The following FTO variants were observed in gnomAD, a reference collection of about 807,000 sequenced individuals.
The protein encoded by FTO is alpha-ketoglutarate-dependent dioxygenase FTO.
Under a neutral mutation model 63.9 loss-of-function variants are expected in FTO, and 47 were observed. The ratio of observed to expected loss-of-function variants is 0.74; its 90% CI spans 0.58 to 0.94. The LOEUF is 0.94. Among genes scored for constraint, FTO ranks in the 40% least tolerant of loss-of-function variants. FTO has a pLI of 0.00. For synonymous variants in FTO, 207 were observed against 224.4 expected, an observed-to-expected ratio of 0.92 and a Z score of 0.69; for missense variants, 562 against 618.1, an observed-to-expected ratio of 0.91 and a Z score of 0.96.
intron 2 of FTO, among the ~76,000 whole-genome samples, chr16:53,824,107 A>G (rs2078941274): frequency 6.6e-6 from 1 of 152,176 alleles, no homozygotes; most frequent in South Asian, 2.1e-4. Flanking sequence ...TATTATAACT[A>G]AGAGCGATTG....
intron 4 of FTO, among the ~76,000 whole-genome samples, chr16:53,846,628 C>T (rs1354331829): frequency 2.0e-5 from 3 of 151,794 alleles, no homozygotes; most frequent in Non-Finnish European, 1.5e-5. Flanking sequence ...TGATGAAACC[C>T]CCCGTCTCCA....
intron 4 of FTO, among the ~76,000 whole-genome samples, chr16:53,867,431 T>C (rs958963502): frequency 1.3e-5 from 2 of 151,922 alleles, no homozygotes; most frequent in African/African-American, 4.8e-5. Context: ...CCTTAATTGA[T>C]AGAAGAGATA....
intron 8 of FTO, among the ~76,000 whole-genome samples, chr16:54,035,497 G>A (rs567458624): frequency 6.6e-6 from 1 of 152,294 alleles, no homozygotes; most frequent in African/African-American, 2.4e-5. Context: ...TATTTTGAGG[G>A]GAGGAGAAGG....
intron 7 of FTO, among the ~76,000 whole-genome samples, chr16:53,892,199 G>A (rs1466406132): frequency 6.6e-6 from 1 of 152,028 alleles, no homozygotes; most frequent in East Asian, 1.9e-4. Flanking sequence ...GGAATTGGCA[G>A]TGGCTGGTTA....
At chr16:53,904,073 T>G (rs1384914160) in intron 7 of FTO, among the ~76,000 whole-genome samples, 1 of 151,948 alleles carries the variant, frequency 6.6e-6, no homozygotes, top group Non-Finnish European at 1.5e-5. Flanking sequence ...TGTATCTATA[T>G]TTACATATAG....
intron 8 of FTO, among the ~76,000 whole-genome samples, chr16:54,089,048 G>A (rs1423864121): frequency 4.6e-5 from 7 of 152,240 alleles, no homozygotes; most frequent in Admixed American, 2.6e-4. Context: ...GTTTGAGGGC[G>A]AATTCCGTGA....
At chr16:54,103,917 T>C (rs1243710731) in intron 8 of FTO, among the ~76,000 whole-genome samples, 2 of 152,174 alleles carry the variant, frequency 1.3e-5, no homozygotes, top group African/African-American at 4.8e-5. Context: ...CAATGGAGTG[T>C]CCTCTTCCAT....
chr16:54,018,563 A>G (rs1375018311), intron 8 of FTO, among the ~76,000 whole-genome samples: 2 of 152,166 alleles, frequency 1.3e-5, no homozygotes, highest in Non-Finnish European at 2.9e-5. Flanking sequence ...TATAGTTCCC[A>G]TAATCCCCAC....
Position 53,860,590 on chromosome 16 carries a change from C to T in FTO, c.896-13196C>T, listed in dbSNP as rs1337052670. On this transcript the variant is annotated intron_variant, in intron 4 of 8. Transcript: ENST00000471389. ...AGGGGGAGCCAGCCCTTCACATGCC[C>T]GGAGCAGGAGGAAGAGAGAGTGAGG... Among the ~76,000 whole-genome samples, 5 of 152,076 alleles carry T rather than the reference C, an allele frequency of 3.3e-5. No individual in the cohort carries two copies. The East Asian group carries it at 7.7e-4, about 23-fold the overall frequency.
intron 8 of FTO, among the ~76,000 whole-genome samples, chr16:53,970,723 A>T (rs1027328681): frequency 7.2e-5 from 11 of 152,058 alleles, no homozygotes; most frequent in African/African-American, 2.4e-4. Context: ...TACCTTACAG[A>T]GGTGTGGGCC....
intron 8 of FTO, among the ~76,000 whole-genome samples, chr16:54,032,793 T>G (rs1599242449): frequency 3.3e-5 from 5 of 151,674 alleles, no homozygotes. Flanking sequence ...TGGTGGGAGG[T>G]GTTTGGGTCC....
intron 8 of FTO, among the ~76,000 whole-genome samples, chr16:54,032,234 A>G (rs1369693587): frequency 6.6e-5 from 10 of 152,216 alleles, no homozygotes; most frequent in African/African-American, 2.2e-4. Context: ...AGCAGTTATA[A>G]TAGAAAAGAC....
At chr16:54,036,014 C>T (rs1440285432) in intron 8 of FTO, among the ~76,000 whole-genome samples, 2 of 152,086 alleles carry the variant, frequency 1.3e-5, no homozygotes, top group Non-Finnish European at 2.9e-5. Context: ...AAAATGTAAT[C>T]GAAATCACAT....
intron 1 of FTO, among the ~76,000 whole-genome samples, chr16:53,766,932 G>A (rs976978486): frequency 7.2e-5 from 11 of 152,134 alleles, no homozygotes; most frequent in Non-Finnish European, 1.6e-4. Context: ...CCATGAGCCA[G>A]ATTTTCCATG....
At chr16:54,046,197 T>G (rs1469350182) in intron 8 of FTO, among the ~76,000 whole-genome samples, 1 of 93,726 alleles carries the variant, frequency 1.1e-5, no homozygotes, top group Non-Finnish European at 1.8e-5. Context: ...ACATGATTGT[T>G]TATCTAGAAA....
intron 8 of FTO, among the ~76,000 whole-genome samples, chr16:54,027,947 A>G (rs1300347955): frequency 1.3e-5 from 2 of 152,038 alleles, no homozygotes; most frequent in Non-Finnish European, 2.9e-5. Context: ...ATCCTTCTCA[A>G]TGTGCAATAC....
At chr16:53,832,629 C>T (rs536670175) in intron 3 of FTO, among the ~76,000 whole-genome samples, 20 of 152,200 alleles carry the variant, frequency 1.3e-4, no homozygotes, top group South Asian at 6.2e-4. Flanking sequence ...TATATGTGCA[C>T]GGTTTTTTTG....
chr16:53,987,891 T>C (rs17823912), intron 8 of FTO, among the ~76,000 whole-genome samples: 59,955 of 152,090 alleles, frequency 0.39, 12,502 homozygotes, highest in South Asian at 0.5. Context: ...TTGAAAAGTA[T>C]AAAATGCAAT....
At chr16:53,874,746 T>A (rs779276317) in intron 5 of FTO, among the ~76,000 whole-genome samples, 35 of 152,160 alleles carry the variant, frequency 2.3e-4, no homozygotes, top group Non-Finnish European at 4.6e-4. Flanking sequence ...ACGATCATAT[T>A]GCTGTGTGGC....
Sources: allele counts gnomAD v4.1 joint callset (sites outside exome capture counted in the v4.1 genomes callset), GRCh38; gene constraint gnomAD v4.1.1; transcripts MANE v1.5; gene names NCBI Gene and HGNC (gene_info 2026-07-23, HGNC 2026-07-21).